Variants in PRELID2 observed in about 807,000 individuals in gnomAD.
The protein encoded by PRELID2 is PRELI domain-containing protein 2.
In PRELID2, 25 loss-of-function variants were observed where a neutral mutation model predicts 28.4. The ratio of observed to expected loss-of-function variants is 0.88; its 90% CI spans 0.64 to 1.23. The LOEUF is 1.23. PRELID2 is among the 50% of genes most tolerant of loss of function. The pLI is 0.00. For missense variants in PRELID2, 201 were observed against 214.4 expected, an observed-to-expected ratio of 0.94 and a Z score of 0.39; for synonymous variants, 76 against 71.6, an observed-to-expected ratio of 1.06 and a Z score of -0.31.
At chr5:145,519,928 AC>A in intron 1 of PRELID2, among the ~76,000 whole-genome samples, 1 of 152,342 alleles carries the variant, frequency 6.6e-6, no homozygotes, top group South Asian at 2.1e-4. Flanking sequence ...ATTAAGATAT[AC>A]ATTAGGTTTC....
At chr5:145,379,212 AG>A in the PRELID2 span, among the ~76,000 whole-genome samples, 2 of 152,114 alleles carry the variant, frequency 1.3e-5, no homozygotes, top group Non-Finnish European at 2.9e-5. Context: ...GGGGCCAAGG[AG>A]GTGCTCCCAG....
chr5:145,363,166 A>G, the PRELID2 span, among the ~76,000 whole-genome samples: 1 of 151,878 alleles, frequency 6.6e-6, no homozygotes, highest in Admixed American at 6.6e-5. Context: ...CAACACAAAC[A>G]TATCACCCTA....
the PRELID2 span, chr5:145,338,152 ACT>A: frequency 3.3e-5 from 5 of 152,044 alleles, no homozygotes; most frequent in African/African-American, 1.2e-4. Context: ...TGTTGCAGTC[ACT>A]CTGTTTTACT....
At chr5:145,727,899 G>A (rs1396700561) in intron 1 of PRELID2, among the ~76,000 whole-genome samples, 2 of 152,190 alleles carry the variant, frequency 1.3e-5, no homozygotes, top group African/African-American at 2.4e-5. Context: ...TATATCAAGA[G>A]TAACATTTCC....
the PRELID2 span, among the ~76,000 whole-genome samples, chr5:145,332,766 T>A: frequency 6.6e-6 from 1 of 152,134 alleles, no homozygotes; most frequent in Non-Finnish European, 1.5e-5. Context: ...AGCCTACTTC[T>A]GTCAATTCGT....
intron 1 of PRELID2, among the ~76,000 whole-genome samples, chr5:145,716,206 T>C (rs1268843513): frequency 6.6e-6 from 1 of 152,212 alleles, no homozygotes; most frequent in Non-Finnish European, 1.5e-5. Context: ...ATCCAAAACC[T>C]ATCCTGTCTT....
At chr5:145,357,235 A>C in the PRELID2 span, among the ~76,000 whole-genome samples, 1 of 152,216 alleles carries the variant, frequency 6.6e-6, no homozygotes, top group South Asian at 2.1e-4. Context: ...TTTCTTATAT[A>C]GTATCTCACA....
At chr5:145,826,969 CT>C (rs1055094697) in intron 1 of PRELID2, among the ~76,000 whole-genome samples, 1 of 152,134 alleles carries the variant, frequency 6.6e-6, no homozygotes, top group African/African-American at 2.4e-5. Flanking sequence ...TTTGCTTCCC[CT>C]CTCAGAAACA....
In PRELID2 at chr5:145,628,812, C is replaced by G. The variant is rs368683959; in HGVS notation, n.70+136119G>C. ...TGATATAAATCCTGATCTGGCCTCT[C>G]AATTAAAATGATATTAAAAAGCAGT... On this transcript the variant is annotated intron_variant and non_coding_transcript_variant, in intron 1 of 2. Coordinates refer to the PRELID2 transcript ENST00000510259. Among the ~76,000 whole-genome samples, 15 of 152,202 alleles carry G rather than the reference C, an allele frequency of 9.9e-5. 1 individual carries two copies. In the East Asian group the frequency reaches 1.7e-3, roughly 18 times the overall value.
intron 1 of PRELID2, among the ~76,000 whole-genome samples, chr5:145,524,753 C>T (rs1752593767): frequency 6.6e-6 from 1 of 152,210 alleles, no homozygotes; most frequent in African/African-American, 2.4e-5. Context: ...TCGGAACCAA[C>T]CAACCATTCT....
the PRELID2 span, among the ~76,000 whole-genome samples, chr5:145,325,991 CA>C: frequency 6.6e-6 from 1 of 152,082 alleles, no homozygotes; most frequent in Non-Finnish European, 1.5e-5. Flanking sequence ...AGACATTGGA[CA>C]ACAACACACA....
chr5:145,502,846 T>G (rs571259418), intron 1 of PRELID2, among the ~76,000 whole-genome samples: 2 of 151,308 alleles, frequency 1.3e-5, no homozygotes, highest in Non-Finnish European at 2.9e-5. Flanking sequence ...CCCAGAAGTT[T>G]TTTTTTTTTT....
chr5:145,566,033 T>C (rs914723792), intron 1 of PRELID2, among the ~76,000 whole-genome samples: 1 of 152,248 alleles, frequency 6.6e-6, no homozygotes, highest in African/African-American at 2.4e-5. Flanking sequence ...GGATTACTCC[T>C]CTGGGGTAGA....
At chr5:145,568,140 T>C (rs1752984399) in intron 1 of PRELID2, among the ~76,000 whole-genome samples, 1 of 152,164 alleles carries the variant, frequency 6.6e-6, no homozygotes, top group Non-Finnish European at 1.5e-5. Context: ...TGTTTAGCCA[T>C]GCATGCTTAG....
At chr5:145,719,894 AG>A (rs1391537721) in intron 1 of PRELID2, among the ~76,000 whole-genome samples, 16 of 152,028 alleles carry the variant, frequency 1.1e-4, no homozygotes, top group African/African-American at 3.6e-4. Flanking sequence ...TCAAAATCTA[AG>A]GAACAGAAAT....
At chr5:145,293,366 C>G in the PRELID2 span, among the ~76,000 whole-genome samples, 1 of 152,084 alleles carries the variant, frequency 6.6e-6, no homozygotes, top group Admixed American at 6.6e-5. Flanking sequence ...AGAATTAGAG[C>G]TATGCCAGGC....
At chr5:145,630,233 G>C (rs1753914112) in intron 1 of PRELID2, among the ~76,000 whole-genome samples, 1 of 152,042 alleles carries the variant, frequency 6.6e-6, no homozygotes, top group Non-Finnish European at 1.5e-5. Flanking sequence ...AAGACCATTG[G>C]GTTTCATGAG....
chr5:145,498,076 A>C (rs552112805), intron 1 of PRELID2, among the ~76,000 whole-genome samples: 1 of 152,328 alleles, frequency 6.6e-6, no homozygotes, highest in Admixed American at 6.5e-5. Flanking sequence ...CTGAGTTTTA[A>C]TCAGCTCTTC....
At chr5:145,370,492 G>C in the PRELID2 span, among the ~76,000 whole-genome samples, 1 of 151,936 alleles carries the variant, frequency 6.6e-6, no homozygotes, top group African/African-American at 2.4e-5. Context: ...TGTCTGCTTT[G>C]GTACCAGTAC....
Sources: gnomAD v4.1 joint callset for allele counts (sites outside exome capture counted in the v4.1 genomes callset) on GRCh38, gnomAD v4.1.1 for gene constraint, MANE v1.5 for transcripts, NCBI Gene and HGNC (gene_info 2026-07-23, HGNC 2026-07-21) for gene names.